The following CFAP74 variants were observed in gnomAD, a reference collection of about 807,000 sequenced individuals.
The protein encoded by CFAP74 is cilia- and flagella-associated protein 74.
In CFAP74, 124 loss-of-function variants were observed where a neutral mutation model predicts 188.9. That is an observed-to-expected ratio of 0.66 (90% CI 0.57 to 0.76). The LOEUF (loss-of-function observed/expected upper bound fraction) is 0.76, where lower values mean the gene tolerates loss of function less well. Ranked by LOEUF, CFAP74 falls within the 30% of genes least tolerant of loss-of-function variation. CFAP74 has a pLI of 0.00. For missense variants in CFAP74, 2,198 were observed against 2,165.2 expected, an observed-to-expected ratio of 1.02 and a Z score of -0.30; for synonymous variants, 956 against 916.7, an observed-to-expected ratio of 1.04 and a Z score of -0.77.
At chr1:1,999,365 C>T (rs1439136483) in intron 1 of CFAP74, among the ~76,000 whole-genome samples, 7 of 152,068 alleles carry the variant, frequency 4.6e-5, no homozygotes, top group Non-Finnish European at 1.0e-4. Context: ...ATTAAAGACT[C>T]GTATGGGAAA....
rs1418880745 is a variant in CFAP74 at position 1,975,199 on chromosome 1, C to T, written c.501-1001G>A. On this transcript the variant is annotated intron_variant, in intron 6 of 38. Coordinates refer to ENST00000682832, the MANE Select transcript of CFAP74 (RefSeq NM_001304360.2). The surrounding 1 kb of genome is among the most constrained non-coding windows in gnomAD (Gnocchi z 4.5). ...TGTGGAGCCGAGTCCAGTCTCTCTC[C>T]CCACTGCAACACCCGGGGCAGGGGT... 6.6e-6 allele frequency among the ~76,000 whole-genome samples: 1 copy of T among 152,216 alleles called. No homozygotes were observed. Among genetic ancestry groups the T allele is most frequent in the African/African-American group, 2.4e-5 (1 of 41,454 alleles).
chr1:1,969,204 A>C (rs1479693716), intron 10 of CFAP74, among the ~76,000 whole-genome samples: 2 of 33,434 alleles, frequency 6.0e-5, no homozygotes, highest in African/African-American at 1.3e-4. Context: ...TGCCCAGCCC[A>C]GCCTAGCCCT....
At chr1:1,927,823 G>C in intron 27 of CFAP74, 77 bp from the exon 28 acceptor site, 2 of 1,467,088 alleles carry the variant, frequency 1.4e-6, no homozygotes, top group Non-Finnish European at 1.8e-6. Context: ...CTCCTCTGCG[G>C]CCAGTGCGGG....
chr1:1,946,865 G>C, intron 19 of CFAP74, 125 bp downstream of exon 19: 1 of 742,972 alleles, frequency 1.3e-6, no homozygotes, highest in Non-Finnish European at 2.3e-6. Context: ...AGTCTGGCCT[G>C]TCTCTGGTCA....
chr1:1,993,875 G>T (rs948772438), intron 1 of CFAP74, among the ~76,000 whole-genome samples: 5 of 150,650 alleles, frequency 3.3e-5, no homozygotes, highest in South Asian at 4.2e-4. Context: ...CCAGCTACTC[G>T]GGAGGCTGAG....
intron 18 of CFAP74, chr1:1,955,256 G>A (rs1375030343): frequency 4.6e-6 from 6 of 1,292,222 alleles, no homozygotes; most frequent in African/African-American, 1.5e-5. Context: ...CGATGGCGGC[G>A]GGCTGCAGGG....
chr1:1,963,549 C>A (rs1457172953), intron 14 of CFAP74, among the ~76,000 whole-genome samples, 200 bp downstream of exon 14: 1 of 149,848 alleles, frequency 6.7e-6, no homozygotes, highest in Non-Finnish European at 1.5e-5. Flanking sequence ...TCCAGCCATT[C>A]GTGAAGGGAA....
intron 1 of CFAP74, among the ~76,000 whole-genome samples, chr1:1,996,920 C>CAAAAAAAAAAAAAA (rs200261557): frequency 2.4e-5 from 2 of 84,630 alleles, no homozygotes; most frequent in Non-Finnish European, 4.7e-5. Flanking sequence ...GACTCTGTCT[C>CAAAAAAAAAAAAAA]AAAAAAAAAA....
chr1:1,974,204 A>AGAGGAAC lies in CFAP74; in HGVS notation c.501-7_501-6insGTTCCTC. On this transcript the variant is annotated splice_region_variant and splice_polypyrimidine_tract_variant and intron_variant, in intron 6 of 38. Coordinates refer to ENST00000682832, the MANE Select transcript of CFAP74 (RefSeq NM_001304360.2). ...CGATGTGCCACATGGTGTTCCTTCA[A>AGAGGAAC]ACAAGAGGCAAAGCAGCTGGAGACG... 2.5e-6 allele frequency: 4 copies of AGAGGAAC among 1,584,612 alleles called. No homozygotes were observed. The highest frequency in any genetic ancestry group is 2.6e-6 in the Non-Finnish European group (3 of 1,161,200).
chr1:1,979,843 G>A (rs1472228698), intron 6 of CFAP74, among the ~76,000 whole-genome samples: 2 of 121,924 alleles, frequency 1.6e-5, no homozygotes, highest in Non-Finnish European at 3.6e-5. Context: ...TGACCTGGGT[G>A]TGGGAAGGCG....
At chr1:1,961,559 A>G (rs111687652) in intron 14 of CFAP74, among the ~76,000 whole-genome samples, 1 of 152,220 alleles carries the variant, frequency 6.6e-6, no homozygotes, top group Non-Finnish European at 1.5e-5. Context: ...GGTGGCTGAG[A>G]GCACAGCGAC....
chr1:1,925,264 G>GAAGGCACGAGGGCACACGCTGGTGCA (rs1651785104), intron 33 of CFAP74, among the ~76,000 whole-genome samples: 1 of 147,026 alleles, frequency 6.8e-6, no homozygotes, highest in Non-Finnish European at 1.5e-5. Context: ...AGGGCAGCGC[G>GAAGGCACGAGGGCACACGCTGGTGCA]AAGGCACGAG....
intron 1 of CFAP74, among the ~76,000 whole-genome samples, chr1:2,001,726 GACA>G (rs1258668713): frequency 6.6e-6 from 1 of 152,136 alleles, no homozygotes; most frequent in Non-Finnish European, 1.5e-5. Context: ...TCAGTAACGT[GACA>G]ACGTGACCAC....
intron 16 of CFAP74, among the ~76,000 whole-genome samples, chr1:1,957,586 A>G (rs2748974): frequency 0.81 from 122,798 of 152,156 alleles, 49,787 homozygotes; most frequent in East Asian, 0.86. Flanking sequence ...CTCCTGTCAC[A>G]GAGGAGCACT....
intron 6 of CFAP74, among the ~76,000 whole-genome samples, chr1:1,976,025 C>G (rs191088230): frequency 6.6e-6 from 1 of 152,186 alleles, no homozygotes; most frequent in South Asian, 2.1e-4. Context: ...CCAGCAGCTT[C>G]GATGGCCTAT....
chr1:1,978,789 C>T (rs1174552179), intron 6 of CFAP74, among the ~76,000 whole-genome samples: 1 of 152,236 alleles, frequency 6.6e-6, no homozygotes, highest in South Asian at 2.1e-4. Flanking sequence ...GTCACTGCAG[C>T]GATGGGATAC....
intron 18 of CFAP74, chr1:1,955,142 G>A (rs1037759815): frequency 6.2e-6 from 8 of 1,285,652 alleles, no homozygotes; most frequent in South Asian, 1.2e-5. Flanking sequence ...CGTGCGGAAC[G>A]CGCACCACGC....
chr1:1,938,031 T>C (rs938027947), intron 25 of CFAP74, among the ~76,000 whole-genome samples: 1 of 146,038 alleles, frequency 6.8e-6, no homozygotes, highest in Non-Finnish European at 1.5e-5. Context: ...TTCAGTCACA[T>C]GCTCACACAT....
At chr1:1,945,216 A>T (rs1405546102) in intron 20 of CFAP74, among the ~76,000 whole-genome samples, 1 of 152,006 alleles carries the variant, frequency 6.6e-6, no homozygotes, top group Non-Finnish European at 1.5e-5. Flanking sequence ...CTGAGGTGGG[A>T]GAATCGCTTG....
Sources: allele counts gnomAD v4.1 joint callset (sites outside exome capture counted in the v4.1 genomes callset), GRCh38; gene constraint gnomAD v4.1.1; non-coding constraint Gnocchi (gnomAD v3.1); transcripts MANE v1.5; gene names NCBI Gene and HGNC (gene_info 2026-07-23, HGNC 2026-07-21).